NUP160: variants seen among roughly 807,000 people sequenced by gnomAD.
The protein encoded by NUP160 is nucleoporin 160.
A neutral mutation model predicts 196.9 loss-of-function variants in NUP160; 94 were observed. That is an observed-to-expected ratio of 0.48 (90% CI 0.40 to 0.57). NUP160 has a LOEUF of 0.57. Ranked by LOEUF, NUP160 falls within the 20% of genes least tolerant of loss-of-function variation. The pLI is 0.00. For missense variants in NUP160, 1,638 were observed against 1,748.3 expected, an observed-to-expected ratio of 0.94 and a Z score of 1.13; for synonymous variants, 605 against 619.7, an observed-to-expected ratio of 0.98 and a Z score of 0.35.
At chr11:47,802,083 A>G (rs1482764191) in intron 22 of NUP160, among the ~76,000 whole-genome samples, 153 bp from the exon 23 acceptor site, 1 of 152,220 alleles carries the variant, frequency 6.6e-6, no homozygotes, top group African/African-American at 2.4e-5. Flanking sequence ...TATGAATTCT[A>G]TGTGATGCAT....
chr11:47,811,290 C>T (rs183245611), intron 17 of NUP160, among the ~76,000 whole-genome samples: 78 of 152,168 alleles, frequency 5.1e-4, no homozygotes, highest in Admixed American at 3.0e-3. Context: ...AGGTGGATCA[C>T]CTGATGTCAG....
intron 22 of NUP160, among the ~76,000 whole-genome samples, chr11:47,802,663 T>TA (rs772153702): frequency 2.6e-4 from 40 of 151,564 alleles, no homozygotes; most frequent in Non-Finnish European, 4.9e-4. Flanking sequence ...CATAAAACAA[T>TA]AAAAAAAATG....
chr11:47,847,729 ATCTT>A (rs1294665486), intron 2 of NUP160, 115 bp downstream of exon 2: 1 of 690,814 alleles, frequency 1.4e-6, no homozygotes, highest in Non-Finnish European at 2.6e-6. Flanking sequence ...TGAAAAAACA[ATCTT>A]TCTCTTTCCC....
In NUP160 at chr11:47,779,133, C is replaced by T. The variant is rs149894937; in HGVS notation, c.4283G>A (p.Arg1428Gln). The change falls in exon 36 of 36, where the codon CGG (arginine) becomes CAG (glutamine). Residue 1428 changes from arginine to glutamine, a missense_variant. Physicochemically the swap from Arg to Gln is conservative, Grantham distance 43. Coordinates refer to ENST00000378460, the Ensembl canonical transcript of NUP160. The stretch of plus-strand genomic sequence containing the variant: ...CAAGGTCCGACGATATAATAAATCC[C>T]GTGTTGCCTTATCAACTTTTTGCTG... The T allele has an allele frequency of 2.0e-5, 33 of 1,613,546 alleles. No individual in the cohort carries two copies. The highest frequency in any genetic ancestry group is 4.4e-5 in the South Asian group (4 of 91,050).
intron 7 of NUP160, among the ~76,000 whole-genome samples, chr11:47,832,872 G>A (rs954709053): frequency 3.9e-5 from 6 of 152,174 alleles, no homozygotes; most frequent in African/African-American, 1.2e-4. Context: ...ATTAAGCTAA[G>A]TGAAAGAAGC....
chr11:47,824,886 A>G (rs1001139138), intron 7 of NUP160, among the ~76,000 whole-genome samples: 18 of 151,182 alleles, frequency 1.2e-4, no homozygotes, highest in African/African-American at 4.4e-4. Flanking sequence ...CCCAGGCTGG[A>G]GTGCAGTGGT....
chr11:47,803,623 GAA>G, intron 21 of NUP160, 87 bp from the exon 22 acceptor site: 1 of 774,328 alleles, frequency 1.3e-6, no homozygotes, highest in Non-Finnish European at 2.3e-6. Context: ...CACAGAGGAT[GAA>G]AAGACAGTGT....
chr11:47,816,826 TAG>T (rs1851737119), intron 11 of NUP160, among the ~76,000 whole-genome samples: 1 of 151,342 alleles, frequency 6.6e-6, no homozygotes, highest in Non-Finnish European at 1.5e-5. Context: ...GTTGTTTTAA[TAG>T]AGATGGGAAT....
chr11:47,807,933 G>A (rs2097678728), intron 18 of NUP160, among the ~76,000 whole-genome samples: 1 of 152,164 alleles, frequency 6.6e-6, no homozygotes, highest in Admixed American at 6.5e-5. Context: ...AACAAATAAA[G>A]GCACCAAAAA....
chr11:47,835,956 G>T (rs1599345745), intron 6 of NUP160, 147 bp from the exon 7 acceptor site: 2 of 614,638 alleles, frequency 3.3e-6, no homozygotes, highest in South Asian at 3.3e-5. Context: ...TTTCAAAAGG[G>T]CTAACACAGG....
chr11:47,806,320 A>G lies in NUP160; in HGVS notation c.2447-8T>C. 2 of 1,604,196 alleles carry G rather than the reference A, an allele frequency of 1.2e-6. No homozygotes were observed. Among genetic ancestry groups the G allele is most frequent in the Non-Finnish European group, 1.7e-6 (2 of 1,173,564 alleles). On this transcript the variant is annotated splice_region_variant and splice_polypyrimidine_tract_variant and intron_variant, in intron 19 of 35. Coordinates refer to ENST00000378460, the Ensembl canonical transcript of NUP160. ...TAGTCTGAGGACTAGATACTTAAAA[A>G]GAAAAAGTTATGACAGTTTTGTGTA...
chr11:47,799,712 A>C (rs2097673030), intron 23 of NUP160, among the ~76,000 whole-genome samples: 1 of 151,636 alleles, frequency 6.6e-6, no homozygotes. Flanking sequence ...TGCCCAGGTA[A>C]TTTTTTAATT....
chr11:47,820,753 T>C (rs1851840888), intron 9 of NUP160, among the ~76,000 whole-genome samples: 1 of 152,138 alleles, frequency 6.6e-6, no homozygotes, highest in African/African-American at 2.4e-5. Flanking sequence ...GGTTTCACCA[T>C]GTTGGCCAGG....
At chr11:47,829,104 T>C (rs980480836) in intron 7 of NUP160, among the ~76,000 whole-genome samples, 2 of 152,124 alleles carry the variant, frequency 1.3e-5, no homozygotes, top group Non-Finnish European at 2.9e-5. Flanking sequence ...ATCTGGACTT[T>C]ATCAAAATTA....
intron 27 of NUP160, among the ~76,000 whole-genome samples, chr11:47,795,208 A>T (rs1206031681): frequency 6.6e-6 from 1 of 152,236 alleles, no homozygotes; most frequent in Non-Finnish European, 1.5e-5. Context: ...AGAAATTAAA[A>T]TATCATTAAA....
At chr11:47,784,771 G>A in intron 33 of NUP160, 151 bp downstream of exon 33, 1 of 461,552 alleles carries the variant, frequency 2.2e-6, no homozygotes. Context: ...CAAACTCCTG[G>A]GCTCAAGCCA....
chr11:47,795,807 A>G (rs954619185), intron 27 of NUP160, among the ~76,000 whole-genome samples: 1 of 152,130 alleles, frequency 6.6e-6, no homozygotes, highest in Non-Finnish European at 1.5e-5. Context: ...AACTAAATGC[A>G]GTGTGTATTC....
chr11:47,814,813 A>G (rs539978976), intron 13 of NUP160, among the ~76,000 whole-genome samples: 2 of 152,318 alleles, frequency 1.3e-5, no homozygotes, highest in Non-Finnish European at 2.9e-5. Flanking sequence ...TTCAGGAAAA[A>G]CTGTTTAGAG....
chr11:47,848,439 G>T, exon 1 of NUP160: 4 of 1,515,926 alleles, frequency 2.6e-6, no homozygotes, highest in Non-Finnish European at 3.5e-6. Context: ...CAGAAAGGCG[G>T]CTCCGGCCCT....
Sources: gnomAD v4.1 joint callset for allele counts (sites outside exome capture counted in the v4.1 genomes callset) on GRCh38, gnomAD v4.1.1 for gene constraint, MANE v1.5 for transcripts, NCBI Gene and HGNC (gene_info 2026-07-23, HGNC 2026-07-21) for gene names.